The following SYTL3 variants were observed in gnomAD, a reference collection of about 807,000 sequenced individuals.
SYTL3 encodes the protein synaptotagmin like 3.
SYTL3 carries 88 observed loss-of-function variants against 82.1 expected under a neutral mutation model. The observed-to-expected ratio is 1.07, with a 90% CI of 0.90 to 1.28. The LOEUF (loss-of-function observed/expected upper bound fraction) is 1.28. Among genes scored for constraint, SYTL3 ranks in the 50% most tolerant of loss-of-function variants. The pLI is 0.00. For synonymous variants in SYTL3, 311 were observed against 289.4 expected, an observed-to-expected ratio of 1.07 and a Z score of -0.76; for missense variants, 831 against 757.6, an observed-to-expected ratio of 1.10 and a Z score of -1.14.
intron 6 of SYTL3, among the ~76,000 whole-genome samples, chr6:158,704,429 C>A (rs1395954985): frequency 6.6e-6 from 1 of 152,202 alleles, no homozygotes. Context: ...GCAGCGGGGA[C>A]GCGGGGGATT....
chr6:158,720,038 A>G (rs1285414563), intron 10 of SYTL3, among the ~76,000 whole-genome samples: 2 of 152,156 alleles, frequency 1.3e-5, no homozygotes. Context: ...GCAGTGAGCC[A>G]TGGTTGCACC....
intron 15 of SYTL3, 55 bp from the exon 16 acceptor site, chr6:158,762,021 C>T: frequency 7.7e-7 from 1 of 1,304,104 alleles, no homozygotes; most frequent in Non-Finnish European, 1.1e-6. Context: ...GGTGGTACTG[C>T]ATACTAACGT....
chr6:158,651,298 A>G (rs1029914755), intron 1 of SYTL3, among the ~76,000 whole-genome samples: 3 of 152,164 alleles, frequency 2.0e-5, no homozygotes, highest in Admixed American at 6.5e-5. Context: ...AGGATATAAT[A>G]ATATTAATTC....
At chr6:158,760,275 G>GTGGGGTGGA (rs1347058322) in intron 14 of SYTL3, among the ~76,000 whole-genome samples, 1 of 152,180 alleles carries the variant, frequency 6.6e-6, no homozygotes, top group African/African-American at 2.4e-5. Flanking sequence ...ACTGACCTGG[G>GTGGGGTGGA]TGGGGTGGAT....
At chr6:158,744,828 A>G (rs1787407609) in intron 11 of SYTL3, among the ~76,000 whole-genome samples, 1 of 152,324 alleles carries the variant, frequency 6.6e-6, no homozygotes, top group Non-Finnish European at 1.5e-5. Flanking sequence ...AATTAATAAC[A>G]TTCATTAGCC....
chr6:158,717,241 T>G (rs7766157), intron 9 of SYTL3, among the ~76,000 whole-genome samples: 25,642 of 151,916 alleles, frequency 0.17, 2,488 homozygotes, highest in African/African-American at 0.27. Flanking sequence ...ATCATTGCAC[T>G]CCATTCTGGG....
chr6:158,739,310 A>G (rs78152961), intron 11 of SYTL3, among the ~76,000 whole-genome samples: 5,971 of 152,236 alleles, frequency 0.039, 132 homozygotes, highest in South Asian at 0.054. Context: ...TGTTGATTCC[A>G]TCATAGGTAA....
chr6:158,676,440 A>G (rs927632606), intron 5 of SYTL3, among the ~76,000 whole-genome samples: 2 of 152,050 alleles, frequency 1.3e-5, no homozygotes, highest in African/African-American at 2.4e-5. Flanking sequence ...TAGACCTAAA[A>G]CCATAAAAAC....
chr6:158,646,836 G>T (rs1305429413), upstream of SYTL3, among the ~76,000 whole-genome samples: 1 of 152,112 alleles, frequency 6.6e-6, no homozygotes, highest in Admixed American at 6.6e-5. Flanking sequence ...TTGCCTGCCT[G>T]CCCTTCTCAG....
chr6:158,701,253 T>G (rs1781214701), intron 6 of SYTL3, among the ~76,000 whole-genome samples: 1 of 7,592 alleles, frequency 1.3e-4, no homozygotes, highest in Non-Finnish European at 2.4e-4. Flanking sequence ...GATGAAGGAG[T>G]GTGAGCTGGG....
chr6:158,739,024 C>T (rs1786570398), intron 11 of SYTL3, among the ~76,000 whole-genome samples: 1 of 152,318 alleles, frequency 6.6e-6, no homozygotes, highest in East Asian at 1.9e-4. Context: ...ACTCACACAG[C>T]CCTCCCTGTC....
chr6:158,747,628 G>T (rs1361946012), intron 12 of SYTL3, among the ~76,000 whole-genome samples: 1 of 152,110 alleles, frequency 6.6e-6, no homozygotes, highest in African/African-American at 2.4e-5. Flanking sequence ...GGCTAAATTT[G>T]TAACTTTTTT....
At chr6:158,710,834 G>A (rs1782686631) in intron 8 of SYTL3, among the ~76,000 whole-genome samples, 1 of 150,850 alleles carries the variant, frequency 6.6e-6, no homozygotes, top group South Asian at 2.1e-4. Flanking sequence ...AGGCTGGAGT[G>A]CAATGGCGCA....
At chr6:158,654,871 G>A (rs1406841405) in intron 2 of SYTL3, among the ~76,000 whole-genome samples, 1 of 152,186 alleles carries the variant, frequency 6.6e-6, no homozygotes, top group Admixed American at 6.5e-5. Context: ...AGGTGGTGCT[G>A]TGGTGTGGGA....
intron 12 of SYTL3, among the ~76,000 whole-genome samples, chr6:158,748,348 G>A (rs774723243): frequency 2.0e-5 from 3 of 152,052 alleles, no homozygotes; most frequent in East Asian, 1.9e-4. Flanking sequence ...TGGTTCCTTC[G>A]TAACAGAATC....
intron 11 of SYTL3, among the ~76,000 whole-genome samples, chr6:158,730,588 C>A (rs1247281626): frequency 3.3e-5 from 5 of 152,012 alleles, no homozygotes; most frequent in Non-Finnish European, 4.4e-5. Flanking sequence ...GAATCGAGAC[C>A]CACCCTGTGT....
intron 17 of SYTL3, 83 bp from the exon 18 acceptor site, chr6:158,764,412 G>C: frequency 9.4e-7 from 1 of 1,061,570 alleles, no homozygotes; most frequent in Non-Finnish European, 1.4e-6. Context: ...AAAACTTCTG[G>C]CTGGTCATCA....
chr6:158,668,700 A>G (rs1272743306), intron 5 of SYTL3, among the ~76,000 whole-genome samples: 1 of 152,216 alleles, frequency 6.6e-6, no homozygotes, highest in Non-Finnish European at 1.5e-5. Context: ...GAGTTGCTGC[A>G]GTGAATGAGA....
chr6:158,704,553 G>A (rs1279566145), intron 6 of SYTL3, among the ~76,000 whole-genome samples: 1 of 152,272 alleles, frequency 6.6e-6, no homozygotes, highest in Admixed American at 6.5e-5. Context: ...CAGTAATCGT[G>A]CAGGCAGGGC....
Sources: gnomAD v4.1 joint callset for allele counts (sites outside exome capture counted in the v4.1 genomes callset) on GRCh38, gnomAD v4.1.1 for gene constraint, MANE v1.5 for transcripts, NCBI Gene and HGNC (gene_info 2026-07-23, HGNC 2026-07-21) for gene names.